AHDC1: variants seen among roughly 807,000 people sequenced by gnomAD.
AHDC1 encodes transcription factor Gibbin.
Under a neutral mutation model 87.9 loss-of-function variants are expected in AHDC1, and 7 were observed. The ratio of observed to expected loss-of-function variants is 0.08; its 90% CI spans 0.05 to 0.15. The LOEUF is 0.15. Among genes scored for constraint, AHDC1 ranks in the 10% least tolerant of loss-of-function variants. The probability of loss-of-function intolerance (pLI) is 1.00; values close to 1 mark genes in which losing one functional copy is unlikely to be tolerated. For missense variants in AHDC1, 1,841 were observed against 2,253.2 expected, an observed-to-expected ratio of 0.82 and a Z score of 3.70; for synonymous variants, 1,051 against 1,006.8, an observed-to-expected ratio of 1.04 and a Z score of -0.83.
chr1:27,576,331 G>A (rs1205889229), intron 3 of AHDC1, among the ~76,000 whole-genome samples: 1 of 152,158 alleles, frequency 6.6e-6, no homozygotes, highest in East Asian at 1.9e-4. Flanking sequence ...TTATTAAAAC[G>A]AAGGGGTCTG....
chr1:27,591,997 C>T (rs2089235375), intron 3 of AHDC1, among the ~76,000 whole-genome samples: 1 of 152,192 alleles, frequency 6.6e-6, no homozygotes, highest in Non-Finnish European at 1.5e-5. Flanking sequence ...GGCGATCCAG[C>T]TTCATCCTTG....
At chr1:27,555,044 C>T (rs2019757052) in intron 5 of AHDC1, among the ~76,000 whole-genome samples, 1 of 152,216 alleles carries the variant, frequency 6.6e-6, no homozygotes, top group Non-Finnish European at 1.5e-5. Context: ...CCACTCCCAG[C>T]TCCTGTAACA....
intron 3 of AHDC1, among the ~76,000 whole-genome samples, chr1:27,568,654 G>T (rs578029875): frequency 6.6e-6 from 1 of 152,052 alleles, no homozygotes; most frequent in East Asian, 1.9e-4. Flanking sequence ...GCTAGGGGCG[G>T]GGTCGGGGCT....
At chr1:27,537,786 G>A (rs1557645366) in intron 8 of AHDC1, among the ~76,000 whole-genome samples, 1 of 152,102 alleles carries the variant, frequency 6.6e-6, no homozygotes, top group Non-Finnish European at 1.5e-5. Context: ...CTCATGCTCC[G>A]GTGGTTTCAC....
At chr1:27,539,336 T>C (rs2018799638) in intron 8 of AHDC1, among the ~76,000 whole-genome samples, 1 of 151,236 alleles carries the variant, frequency 6.6e-6, no homozygotes, top group African/African-American at 2.4e-5. Context: ...GGGGTCTTAC[T>C]ATGTTGCCCA....
chr1:27,541,428 C>G (rs2018913789), intron 8 of AHDC1, among the ~76,000 whole-genome samples: 1 of 151,910 alleles, frequency 6.6e-6, no homozygotes, highest in Non-Finnish European at 1.5e-5. Flanking sequence ...AAGCAATTCT[C>G]CTGCCTCAGC....
rs181796330 is a variant in AHDC1, at chr1:27,562,362, G to T, written c.-628-3479C>A. 3.9e-5 allele frequency among the ~76,000 whole-genome samples: 6 copies of T among 152,246 alleles called. No homozygotes were observed. The highest frequency in any genetic ancestry group is 3.9e-4 in the East Asian group (2 of 5,178). On this transcript the variant is annotated intron_variant, in intron 3 of 8. Transcript: ENST00000673934. The surrounding 1 kb of genome is among the most constrained non-coding windows in gnomAD (Gnocchi z 4.4). ...GACTGACTACCTGAGCTCCCGGCCCGCGCAGAGCTGCCCCGATTAATCCTG... is the reference window on the plus strand; with the variant it reads ...GACTGACTACCTGAGCTCCCGGCCCTCGCAGAGCTGCCCCGATTAATCCTG...
Position 27,547,462 on chromosome 1 carries a change from G to A in AHDC1, c.4654C>T (p.Pro1552Ser), listed in dbSNP as rs774456209. The change falls in exon 8 of 9, where the codon CCG becomes TCG. Residue 1552 changes from proline to serine, a missense_variant. Physicochemically the swap from Pro to Ser is moderately conservative, Grantham distance 74. Coordinates refer to ENST00000673934, the MANE Select transcript of AHDC1 (RefSeq NM_001371928.1). The surrounding 1 kb of genome is among the most constrained non-coding windows in gnomAD (Gnocchi z 4.9). Reference protein sequence around the residue: ...LLSDLTLSPVPRDSLLPLQDT... With the variant: ...LLSDLTLSPVSRDSLLPLQDT... ...TGCAGGGGCAGCAGCGAGTCCCTCG[G>A]CACGGGGGACAGGGTCAAGTCACTA... is the stretch of plus-strand genomic sequence containing the variant. 19 of 1,594,780 alleles carry A rather than the reference G, an allele frequency of 1.2e-5. No individual in the cohort carries two copies. The highest frequency in any genetic ancestry group is 1.7e-5 in the Admixed American group (1 of 59,376).
At chr1:27,568,782 G>A (rs1458091482) in intron 3 of AHDC1, among the ~76,000 whole-genome samples, 1 of 151,952 alleles carries the variant, frequency 6.6e-6, no homozygotes, top group African/African-American at 2.4e-5. Context: ...GGCCGGGCCG[G>A]GGCGCTCTTC....
In AHDC1 at chr1:27,597,033, G is replaced by C. The variant is rs557014870; in HGVS notation, c.-629+6364C>G. Among the ~76,000 whole-genome samples, 4 of 152,310 alleles carry C rather than the reference G, an allele frequency of 2.6e-5. No homozygotes were observed. The South Asian group carries it at 8.3e-4, about 32-fold the overall frequency. The stretch of plus-strand genomic sequence containing the variant: ...TTTGAGACAGCTCCCCACTACCCAA[G>C]CCACTGGGCATTTCTCTGTGTCCAG... On this transcript the variant is annotated intron_variant, in intron 3 of 8. Coordinates refer to ENST00000673934, the MANE Select transcript of AHDC1 (RefSeq NM_001371928.1).
intron 8 of AHDC1, among the ~76,000 whole-genome samples, chr1:27,542,044 T>A (rs1571213207): frequency 6.6e-6 from 1 of 152,228 alleles, no homozygotes; most frequent in Non-Finnish European, 1.5e-5. Context: ...CCCAAGCAGG[T>A]CACTAGCTCA....
chr1:27,542,742 C>T (rs571020780), intron 8 of AHDC1, among the ~76,000 whole-genome samples: 2 of 152,332 alleles, frequency 1.3e-5, no homozygotes, highest in East Asian at 1.9e-4. Flanking sequence ...CCTCCAGTTC[C>T]GTGGCCCTGC....
At chr1:27,553,821 T>C (rs192973878) in intron 5 of AHDC1, among the ~76,000 whole-genome samples, 1 of 152,186 alleles carries the variant, frequency 6.6e-6, no homozygotes, top group Non-Finnish European at 1.5e-5. Context: ...ATCCCAGCAC[T>C]TTGGGAGGCT....
chr1:27,590,035 C>T lies in AHDC1; in HGVS notation c.-629+13362G>A, dbSNP rs1326834771. On this transcript the variant is annotated intron_variant, in intron 3 of 8. Transcript: ENST00000673934. This position sits in a 1 kb window ranked among gnomAD's most constrained non-coding sequence, Gnocchi z 5.4. Reference sequence around the variant, plus strand: ...GGGCCTTAGAGGCCTGTCCTGGGCCCCCTGCCCCACCCACTGCTGAGGAGA... The same window carrying T: ...GGGCCTTAGAGGCCTGTCCTGGGCCTCCTGCCCCACCCACTGCTGAGGAGA... 6.6e-6 allele frequency among the ~76,000 whole-genome samples: 1 copy of T among 152,172 alleles called. No homozygotes were observed. Among genetic ancestry groups the T allele is most frequent in the Non-Finnish European group, 1.5e-5 (1 of 67,994 alleles).
chr1:27,564,617 G>A (rs1013338134), intron 3 of AHDC1, among the ~76,000 whole-genome samples: 7 of 152,218 alleles, frequency 4.6e-5, no homozygotes, highest in African/African-American at 1.2e-4. Context: ...TCCCCACCTG[G>A]AGCTGTTTCT....
Position 27,549,349 on chromosome 1 carries a change from G to C in AHDC1, c.2767C>G (p.Pro923Ala). The change falls in exon 8 of 9, where the codon CCA becomes GCA. Residue 923 changes from proline (P) to alanine (A), a missense_variant. Around this residue, in one of 13 missense-constraint regions of AHDC1, gnomAD observed 378 missense variants for 399.0 expected, o/e 0.95. Coordinates refer to ENST00000673934, the MANE Select transcript of AHDC1 (RefSeq NM_001371928.1). The part of the protein sequence containing the change: ...PVLSARQTFP[P>A]GRAASYGLTP... ...AGCCCATAGCTTGCTGCTCGTCCTG[G>C]TGGGAAGGTCTGGCGCGCGGACAGG... 1 of 1,611,946 alleles carries C rather than the reference G, an allele frequency of 6.2e-7. No individual in the cohort carries two copies. The highest frequency in any genetic ancestry group is 8.5e-7 in the Non-Finnish European group (1 of 1,178,800).
intron 3 of AHDC1, among the ~76,000 whole-genome samples, chr1:27,596,898 C>T (rs2089390733): frequency 6.6e-6 from 1 of 152,106 alleles, no homozygotes; most frequent in African/African-American, 2.4e-5. Context: ...CCTGTCACAC[C>T]CGTACCCTAT....
intron 3 of AHDC1, among the ~76,000 whole-genome samples, chr1:27,575,413 G>A (rs1211390361): frequency 2.0e-5 from 3 of 152,150 alleles, no homozygotes; most frequent in Non-Finnish European, 4.4e-5. Context: ...AGGCCGAGGA[G>A]GCGAGGGGTG....
intron 3 of AHDC1, among the ~76,000 whole-genome samples, chr1:27,564,966 A>G (rs536121946): frequency 6.6e-6 from 1 of 152,300 alleles, no homozygotes; most frequent in South Asian, 2.1e-4. Context: ...CGACAGCACA[A>G]GAGCCTAGAG....
Sources: gnomAD v4.1 joint callset for allele counts (sites outside exome capture counted in the v4.1 genomes callset) on GRCh38, gnomAD v4.1.1 for gene constraint, gnomAD v4.1.1 regional missense constraint, Gnocchi (gnomAD v3.1) non-coding constraint, MANE v1.5 for transcripts, NCBI Gene and HGNC (gene_info 2026-07-23, HGNC 2026-07-21) for gene names.